FLT4: variants seen among roughly 807,000 people sequenced by gnomAD.
The protein encoded by FLT4 is fms related receptor tyrosine kinase 4.
A neutral mutation model predicts 163.2 loss-of-function variants in FLT4; 30 were observed. That is an observed-to-expected ratio of 0.18 (90% confidence interval 0.14 to 0.25). FLT4 has a LOEUF of 0.25. FLT4 is among the 10% of genes least tolerant of loss of function. The pLI is 1.00. For synonymous variants in FLT4, 884 were observed against 789.5 expected, an observed-to-expected ratio of 1.12 and a Z score of -2.01; for missense variants, 1,510 against 1,863.8, an observed-to-expected ratio of 0.81 and a Z score of 3.50.
At chr5:180,605,423 GC>G (rs1761734885) in intron 29 of FLT4, among the ~76,000 whole-genome samples, 1 of 152,120 alleles carries the variant, frequency 6.6e-6, no homozygotes, top group Non-Finnish European at 1.5e-5. Context: ...GGAGCATTTT[GC>G]TCGTTTTCCT....
rs1379300340 is a variant in FLT4 at position 180,646,392 on chromosome 5, C to T, written c.58+3096G>A. 6.6e-5 allele frequency among the ~76,000 whole-genome samples: 10 copies of T among 152,260 alleles called. No individual in the cohort carries two copies. The East Asian group carries it at 1.7e-3, about 26-fold the overall frequency. ...TGCCGCATCTCCAGCCTCGTTTCCC[C>T]TACCTCCCATCCACTCCTCCCAGAC... is the stretch of plus-strand genomic sequence containing the variant. On this transcript the variant is annotated intron_variant, in intron 1 of 29. Transcript: ENST00000261937.
chr5:180,626,795 G>C (rs77902465), intron 8 of FLT4, among the ~76,000 whole-genome samples: 1 of 152,012 alleles, frequency 6.6e-6, no homozygotes, highest in Admixed American at 6.5e-5. Flanking sequence ...CTGCAGACAT[G>C]TGGGCTTCTT....
At chr5:180,648,391 C>T in intron 1 of FLT4, among the ~76,000 whole-genome samples, 1 of 152,220 alleles carries the variant, frequency 6.6e-6, no homozygotes, top group Non-Finnish European at 1.5e-5. Context: ...GGGGAAGTGA[C>T]ACATGTCCTT....
At position 180,603,903 on chromosome 5, in the gene FLT4, T is replaced by TAAAAAA. The variant is rs3053717; in HGVS notation, c.3894-519_3894-514dup. The stretch of plus-strand genomic sequence containing the variant: ...TGGGCGACAGAGTGAGACTCCATCT[T>TAAAAAA]AAAAAAAAAAAAAATTGCTTGAGCC... On this transcript the variant is annotated intron_variant, in intron 29 of 29. Coordinates refer to ENST00000261937, the MANE Select transcript of FLT4 (RefSeq NM_182925.5). 7.6e-4 allele frequency among the ~76,000 whole-genome samples: 109 copies of TAAAAAA among 142,836 alleles called. 1 individual carries two copies. The highest frequency in any genetic ancestry group is 2.1e-3 in the East Asian group (10 of 4,814). 93.7% of individuals were successfully genotyped at this position (142,836 alleles called of 152,430 possible).
chr5:180,647,356 T>A (rs1242291244), intron 1 of FLT4, among the ~76,000 whole-genome samples: 1 of 152,094 alleles, frequency 6.6e-6, no homozygotes, highest in African/African-American at 2.4e-5. Flanking sequence ...TGGCTATGCT[T>A]GTGCCATGGC....
chr5:180,612,624 G>A lies in FLT4; in HGVS notation c.3432-13C>T, dbSNP rs753753193. The A allele has an allele frequency of 5.0e-6, 8 of 1,599,726 alleles. No individual in the cohort carries two copies. Among genetic ancestry groups the A allele is most frequent in the Admixed American group, 1.7e-5 (1 of 59,996 alleles). On this transcript the variant is annotated splice_polypyrimidine_tract_variant and intron_variant, in intron 25 of 29. Transcript: ENST00000261937. ...CATGATGCGGCGTCTGCAGGATCAC[G>A]TGGGCTGCTGGACTGCATGCACCCC... is the stretch of plus-strand genomic sequence containing the variant.
chr5:180,605,704 C>T (rs1289404709), intron 29 of FLT4, among the ~76,000 whole-genome samples: 3 of 152,186 alleles, frequency 2.0e-5, no homozygotes, highest in Non-Finnish European at 2.9e-5. Context: ...ATACACGTCC[C>T]GTATCATCCT....
rs2127879433 is a variant in FLT4, at chr5:180,649,562, T to G, written c.-17A>C. ...CCGCTGCATCTCCGGCCGCTGCGCG[T>G]GGGTCCGACCCGAGCGGCCGCGGCT... is the stretch of plus-strand genomic sequence containing the variant. On this transcript the variant is annotated 5_prime_UTR_variant, in exon 1 of 30. Transcript: ENST00000261937. 7.0e-7 allele frequency: 1 copy of G among 1,421,300 alleles called. No homozygotes were observed. Among genetic ancestry groups the G allele is most frequent in the Non-Finnish European group, 9.2e-7 (1 of 1,084,872 alleles). 88.0% of individuals were successfully genotyped at this position (1,421,300 alleles called of 1,614,324 possible). A position where few individuals can be genotyped will look rare whatever the true frequency, so the allele number is the denominator to read the frequency against.
At position 180,630,167 on chromosome 5, in the gene FLT4, C is replaced by T. The variant is rs533683653; in HGVS notation, c.513+58G>A. 60 of 1,593,912 alleles carry T rather than the reference C, an allele frequency of 3.8e-5. No individual in the cohort carries two copies. The highest frequency in any genetic ancestry group is 3.2e-4 in the African/African-American group (24 of 74,304). On this transcript the variant is annotated intron_variant, in intron 4 of 29. Transcript: ENST00000261937. This position sits in a 1 kb window ranked among gnomAD's most constrained non-coding sequence, Gnocchi z 6.3. ...CCTTGCTCCTGGCCAGACAGGCGGC[C>T]GCCTTTCCCAGGGGTGGGATGGGAG...
intron 8 of FLT4, among the ~76,000 whole-genome samples, chr5:180,626,782 C>T (rs1202622523): frequency 6.6e-6 from 1 of 152,234 alleles, no homozygotes; most frequent in East Asian, 1.9e-4. Context: ...ATGTGCGTGG[C>T]CCCTGCAGAC....
At position 180,620,040 on chromosome 5, in the gene FLT4, G is replaced by T; in HGVS notation, c.2542+133C>A. 8.6e-7 allele frequency: 1 copy of T among 1,159,814 alleles called. No individual in the cohort carries two copies. Among genetic ancestry groups the T allele is most frequent in the South Asian group, 1.4e-5 (1 of 69,752 alleles). The allele number at this position is 1,159,814 out of a possible 1,614,324, so 71.8% of individuals were successfully genotyped here. A position where few individuals can be genotyped will look rare whatever the true frequency, so the allele number is the denominator to read the frequency against. Reference sequence around the variant, plus strand: ...CCTGGCTGAGGTTCTAGGTACCCACGCCCACAGGGACAGGTCAGGCCAGGC... The same window carrying T: ...CCTGGCTGAGGTTCTAGGTACCCACTCCCACAGGGACAGGTCAGGCCAGGC... On this transcript the variant is annotated intron_variant, in intron 17 of 29. Transcript: ENST00000261937. This position sits in a 1 kb window ranked among gnomAD's most constrained non-coding sequence, Gnocchi z 4.4.
intron 1 of FLT4, among the ~76,000 whole-genome samples, chr5:180,632,441 C>T (rs1463363676): frequency 6.6e-6 from 1 of 152,200 alleles, no homozygotes; most frequent in Non-Finnish European, 1.5e-5. Flanking sequence ...CCTAGACACC[C>T]CCAGGTCTTC....
Position 180,618,864 on chromosome 5 carries a change from C to T in FLT4, c.2907G>A (p.Leu969=). The T allele has an allele frequency of 1.3e-6, 2 of 1,584,536 alleles. 1 individual carries two copies. Among genetic ancestry groups the T allele is most frequent in the South Asian group, 2.3e-5 (2 of 87,026 alleles). Residue 969 remains leucine (L), a synonymous_variant, in exon 21 of 30, where the codon CTG becomes CTA. Transcript: ENST00000261937. ...CGCTGCTCCCCGGCCGCCTCCGATC[C>T]AGCCTGGCGAGCTCCACCATGGCGC... ...RFRAMVELAR[L]DRRRPGSSDR...
At chr5:180,624,260 C>T (rs1466555711) in intron 10 of FLT4, among the ~76,000 whole-genome samples, 199 bp from the exon 11 acceptor site, 2 of 147,900 alleles carry the variant, frequency 1.4e-5, no homozygotes, top group South Asian at 2.1e-4. Flanking sequence ...GAGTTTCACT[C>T]TTGTTGCCCA....
rs1218854215 is a variant in FLT4 at position 180,630,279 on chromosome 5, G to A, written c.459C>T (p.Ala153=). 1 of 1,612,642 alleles carries A rather than the reference G, an allele frequency of 6.2e-7. No individual in the cohort carries two copies. Among genetic ancestry groups the A allele is most frequent in the Non-Finnish European group, 8.5e-7 (1 of 1,179,984 alleles). Residue 153 remains alanine, a synonymous_variant, in exon 4 of 30, where the codon GCC becomes GCT. Coordinates refer to ENST00000261937, the MANE Select transcript of FLT4 (RefSeq NM_182925.5). This position sits in a 1 kb window ranked among gnomAD's most constrained non-coding sequence, Gnocchi z 6.3. The stretch of plus-strand genomic sequence containing the variant: ...TGGACACCAGACAGGGCACCCACAT[G>A]GCGTCCTTCCTGTTGACCAAGAGCG... The part of the protein sequence containing the change: ...PDTLLVNRKD[A]MWVPCLVSIP...
chr5:180,636,981 C>G lies in FLT4; in HGVS notation c.59-5203G>C, dbSNP rs951856041. 1.3e-5 allele frequency among the ~76,000 whole-genome samples: 2 copies of G among 152,108 alleles called. No homozygotes were observed. Among genetic ancestry groups the G allele is most frequent in the African/African-American group, 4.8e-5 (2 of 41,430 alleles). On this transcript the variant is annotated intron_variant, in intron 1 of 29. Transcript: ENST00000261937. This position sits in a 1 kb window ranked among gnomAD's most constrained non-coding sequence, Gnocchi z 4.3. ...AAGGCCCCCACAGGAGCTCCTCCCC[C>G]CCATTTTCCTGGGTGCACACAGTTC...
Position 180,621,699 on chromosome 5 carries a change from G to T in FLT4, c.1863C>A (p.Ala621=). 6.2e-7 allele frequency: 1 copy of T among 1,612,684 alleles called. No homozygotes were observed. The highest frequency in any genetic ancestry group is 8.5e-7 in the Non-Finnish European group (1 of 1,179,824). Residue 621 remains alanine, a synonymous_variant, in exon 13 of 30, where the codon GCC becomes GCA. Coordinates refer to ENST00000261937, the MANE Select transcript of FLT4 (RefSeq NM_182925.5). ...CAGGTGCCACCTCCTCCAGGCTGGC[G>T]GCCAGAGGGGTGGCGAACAGATGCA... ...KNVHLFATPL[A]ASLEEVAPGA...
chr5:180,622,925 A>ACCC (rs201607334), intron 11 of FLT4, 86 bp from the exon 12 acceptor site: 72 of 577,916 alleles, frequency 1.2e-4, no homozygotes, highest in Middle Eastern at 4.7e-4. Context: ...GTCGCTGTGC[A>ACCC]CCACCCCCCC....
intron 29 of FLT4, among the ~76,000 whole-genome samples, chr5:180,603,654 C>G (rs987447075): frequency 6.6e-6 from 1 of 152,206 alleles, no homozygotes; most frequent in South Asian, 2.1e-4. Context: ...GTAATCCCAG[C>G]ACTTTGCTGG....
Sources: allele counts gnomAD v4.1 joint callset (sites outside exome capture counted in the v4.1 genomes callset), GRCh38; gene constraint gnomAD v4.1.1; non-coding constraint Gnocchi (gnomAD v3.1); transcripts MANE v1.5; gene names NCBI Gene and HGNC (gene_info 2026-07-23, HGNC 2026-07-21).